Variants in BPIFB4 observed in about 807,000 individuals in gnomAD.
BPIFB4 encodes BPI fold-containing family B member 4.
A neutral mutation model predicts 69.2 loss-of-function variants in BPIFB4; 62 were observed. That is an observed-to-expected ratio of 0.90 (90% CI 0.73 to 1.11). The LOEUF is 1.11. Ranked by LOEUF, BPIFB4 falls within the 50% of genes least tolerant of loss-of-function variation. The pLI is 0.00. For synonymous variants in BPIFB4, 330 were observed against 332.7 expected (o/e 0.99, Z 0.09); for missense variants, 789 against 792.0 (o/e 1.00, Z 0.04).
chr20:33,106,287 T>C (rs1365073374), intron 16 of BPIFB4, among the ~76,000 whole-genome samples: 2 of 152,122 alleles, frequency 1.3e-5, no homozygotes, highest in Non-Finnish European at 2.9e-5. Context: ...CCACGTGCAC[T>C]TTCCATTACT....
chr20:33,080,476 AAATAACAGTCCCAAAGT>A lies in BPIFB4; in HGVS notation c.-108_-92del, dbSNP rs1303891522. 3.3e-5 allele frequency: 5 copies of A among 152,256 alleles called. No individual in the cohort carries two copies. The highest frequency in any genetic ancestry group is 7.3e-5 in the Non-Finnish European group (5 of 68,056). 9.4% of individuals were successfully genotyped at this position (152,256 alleles called of 1,614,324 possible). A position where few individuals can be genotyped will look rare whatever the true frequency, so the allele number is the denominator to read the frequency against. On this transcript the variant is annotated 5_prime_UTR_variant, in exon 2 of 18. Coordinates refer to ENST00000375483, the MANE Select transcript of BPIFB4 (RefSeq NM_182519.3). ...TCCTCACCCACTTCTTAGGGGTCTG[AAATAACAGTCCCAAAGT>A]AATAACAATAGCTGCTCTTTATTGA...
chr20:33,106,446 C>A (rs912107552), intron 16 of BPIFB4, among the ~76,000 whole-genome samples: 1 of 148,366 alleles, frequency 6.7e-6, no homozygotes, highest in Non-Finnish European at 1.5e-5. Context: ...GATCTCGGCT[C>A]ACTGCAACCT....
chr20:33,108,589 G>T (rs953388989), intron 17 of BPIFB4, among the ~76,000 whole-genome samples: 22 of 152,014 alleles, frequency 1.4e-4, no homozygotes, highest in African/African-American at 5.3e-4. Context: ...AGTGACCCCA[G>T]TTCAAATCCT....
At chr20:33,102,349 T>G (rs1981930370) in intron 14 of BPIFB4, among the ~76,000 whole-genome samples, 1 of 152,238 alleles carries the variant, frequency 6.6e-6, no homozygotes, top group African/African-American at 2.4e-5. Flanking sequence ...GCAAGCCCGG[T>G]CTGGCCTCTC....
At chr20:33,104,959 C>A in intron 16 of BPIFB4, 86 bp downstream of exon 16, 1 of 1,331,092 alleles carries the variant, frequency 7.5e-7, no homozygotes, top group Non-Finnish European at 1.1e-6. Flanking sequence ...GGATGTGCAT[C>A]TATCCTACCT....
intron 7 of BPIFB4, among the ~76,000 whole-genome samples, chr20:33,087,996 G>A (rs888804814): frequency 2.0e-5 from 3 of 152,178 alleles, no homozygotes; most frequent in East Asian, 1.9e-4. Flanking sequence ...GGGTTCGGTG[G>A]CGAGGGACGG....
rs776474355 is a variant in BPIFB4 at position 33,100,501 on chromosome 20, G to A, written c.1637+8G>A. On this transcript the variant is annotated splice_region_variant and intron_variant, in intron 14 of 17. Transcript: ENST00000375483. Reference sequence around the variant, plus strand: ...TGATGCCAAGCTGGAGAAGTAAGGGGCTATGCTGCCTTGGGGTCCTGACGG... The same window carrying A: ...TGATGCCAAGCTGGAGAAGTAAGGGACTATGCTGCCTTGGGGTCCTGACGG... 1 of 1,606,350 alleles carries A rather than the reference G, an allele frequency of 6.2e-7. No individual in the cohort carries two copies. The highest frequency in any genetic ancestry group is 8.5e-7 in the Non-Finnish European group (1 of 1,173,050).
chr20:33,107,142 T>A (rs1982082684), intron 16 of BPIFB4, among the ~76,000 whole-genome samples: 1 of 150,518 alleles, frequency 6.6e-6, no homozygotes. Context: ...AGGTGGATGT[T>A]GCAGTGAGCT....
chr20:33,107,741 C>T lies in BPIFB4; in HGVS notation c.1745-3C>T, dbSNP rs766038987. The T allele has an allele frequency of 3.1e-6, 5 of 1,612,824 alleles. No homozygotes were observed. The highest frequency in any genetic ancestry group is 2.2e-5 in the East Asian group (1 of 44,892). ...CCATGTCTGACTGTTTTTTATTTTACAGCTGTGCTGGGTTCTGGCGTCCCT... is the reference window on the plus strand; with the variant it reads ...CCATGTCTGACTGTTTTTTATTTTATAGCTGTGCTGGGTTCTGGCGTCCCT... On this transcript the variant is annotated splice_region_variant and splice_polypyrimidine_tract_variant and intron_variant, in intron 16 of 17. Transcript: ENST00000375483.
At chr20:33,083,079 G>C in intron 4 of BPIFB4, 79 bp downstream of exon 4, 1 of 1,372,648 alleles carries the variant, frequency 7.3e-7, no homozygotes, top group Middle Eastern at 1.9e-4. Context: ...GGTGGGGGAG[G>C]TGGTCTCCTG....
rs183690711 is a variant in BPIFB4, at chr20:33,083,363, C to T, written c.170-4C>T. On this transcript the variant is annotated splice_region_variant and splice_polypyrimidine_tract_variant and intron_variant, in intron 4 of 17. Coordinates refer to ENST00000375483, the MANE Select transcript of BPIFB4 (RefSeq NM_182519.3). The stretch of plus-strand genomic sequence containing the variant: ...TGACTACAGACGCATTGAATTCCCC[C>T]GAGGTGTTGGTGATATTCCCTACAA... 129 of 1,611,002 alleles carry T rather than the reference C, an allele frequency of 8.0e-5. 1 individual carries two copies. The highest frequency in any genetic ancestry group is 7.8e-4 in the African/African-American group (58 of 74,740).
chr20:33,104,406 C>T (rs1425057521), intron 15 of BPIFB4, among the ~76,000 whole-genome samples: 1 of 152,170 alleles, frequency 6.6e-6, no homozygotes, highest in Non-Finnish European at 1.5e-5. Context: ...CCCAGAGGCC[C>T]ACGGAGACTG....
At chr20:33,088,935 C>A in intron 7 of BPIFB4, 31 bp from the exon 8 acceptor site, 1 of 1,613,036 alleles carries the variant, frequency 6.2e-7, no homozygotes, top group Non-Finnish European at 8.5e-7. Flanking sequence ...TGGCTGCGAG[C>A]CTTGACCTCA....
chr20:33,079,805 GC>G (rs1981175428), intron 1 of BPIFB4, 102 bp downstream of exon 1: 1 of 152,258 alleles, frequency 6.6e-6, no homozygotes, highest in Admixed American at 6.5e-5. Flanking sequence ...CATCAGGATG[GC>G]CCCTCTCCAA....
Position 33,100,451 on chromosome 20 carries a change from C to G in BPIFB4, c.1595C>G (p.Ser532Cys). 1 of 1,606,756 alleles carries G rather than the reference C, an allele frequency of 6.2e-7. No homozygotes were observed. The highest frequency in any genetic ancestry group is 8.5e-7 in the Non-Finnish European group (1 of 1,173,258). ...GACACAGAATTCTTGGCCTCATTTT[C>G]CACAGAAGGAGATAAGCTCATGATT... ...DVDTEFLASF[S>C]TEGDKLMIDA... Residue 532 changes from serine to cysteine, a missense_variant, in exon 14 of 18, where the codon TCC becomes TGC. Coordinates refer to ENST00000375483, the MANE Select transcript of BPIFB4 (RefSeq NM_182519.3).
At chr20:33,086,700 G>A (rs1360123215) in intron 7 of BPIFB4, among the ~76,000 whole-genome samples, 2 of 152,358 alleles carry the variant, frequency 1.3e-5, no homozygotes, top group South Asian at 2.1e-4. Context: ...CCAGATCACA[G>A]GGGCATTCCC....
intron 7 of BPIFB4, among the ~76,000 whole-genome samples, chr20:33,088,453 A>G (rs1237527262): frequency 6.6e-6 from 1 of 152,208 alleles, no homozygotes; most frequent in Non-Finnish European, 1.5e-5. Context: ...TTGAGCACCA[A>G]CTATCCATCC....
chr20:33,086,226 C>T, intron 7 of BPIFB4, 62 bp downstream of exon 7: 1 of 1,563,924 alleles, frequency 6.4e-7, no homozygotes, highest in South Asian at 1.1e-5. Flanking sequence ...CTTTGGCAAA[C>T]AACATGACGT....
At chr20:33,089,948 G>A (rs1981551508) in intron 9 of BPIFB4, among the ~76,000 whole-genome samples, 1 of 152,250 alleles carries the variant, frequency 6.6e-6, no homozygotes. Context: ...AATTCACAGA[G>A]GGGTTGGAGA....
Sources: allele counts gnomAD v4.1 joint callset (sites outside exome capture counted in the v4.1 genomes callset), GRCh38; gene constraint gnomAD v4.1.1; transcripts MANE v1.5; gene names NCBI Gene and HGNC (gene_info 2026-07-23, HGNC 2026-07-21).